The following JARID2 variants were observed in gnomAD, a reference collection of about 807,000 sequenced individuals.
The protein encoded by JARID2 is protein Jumonji.
JARID2 carries 21 observed loss-of-function variants against 125.6 expected under a neutral mutation model. The ratio of observed to expected loss-of-function variants is 0.17; its 90% CI spans 0.12 to 0.24. The LOEUF is 0.24. JARID2 is among the 10% of genes least tolerant of loss of function. The pLI is 1.00. For synonymous variants in JARID2, 736 were observed against 661.6 expected (o/e 1.11, Z -1.73); for missense variants, 1,303 against 1,639.6 (o/e 0.79, Z 3.55).
At chr6:15,322,281 C>G (rs1418292586) in intron 1 of JARID2, among the ~76,000 whole-genome samples, 2 of 152,214 alleles carry the variant, frequency 1.3e-5, no homozygotes, top group South Asian at 4.1e-4. Context: ...GGCTTCTGTG[C>G]TTCTGATTCT....
intron 17 of JARID2, among the ~76,000 whole-genome samples, chr6:15,517,772 C>CA (rs781544594): frequency 1.3e-5 from 2 of 152,250 alleles, no homozygotes; most frequent in African/African-American, 2.4e-5. Context: ...CATAACAACA[C>CA]ACAGCCTGTG....
At position 15,365,782 on chromosome 6, in the gene JARID2, A is replaced by AT. The variant is rs553585123; in HGVS notation, c.46-8332dup. 2.5e-3 allele frequency among the ~76,000 whole-genome samples: 380 copies of AT among 152,260 alleles called. 1 individual carries two copies. The highest frequency in any genetic ancestry group is 0.014 in the Middle Eastern group (4 of 294). ...AATTTGCTGCTTTGAAGTGCTTTTA[A>AT]TTTAAACCCTAGGCAAGGGAACATC... On this transcript the variant is annotated intron_variant, in intron 1 of 17. Transcript: ENST00000341776.
chr6:15,344,387 C>G (rs1581436302), intron 1 of JARID2, among the ~76,000 whole-genome samples: 1 of 151,866 alleles, frequency 6.6e-6, no homozygotes, highest in East Asian at 1.9e-4. Context: ...CTTTGTCAGA[C>G]TCGGCTGATG....
chr6:15,422,997 T>C (rs1366270976), intron 3 of JARID2, among the ~76,000 whole-genome samples: 1 of 151,334 alleles, frequency 6.6e-6, no homozygotes, highest in Admixed American at 6.6e-5. Flanking sequence ...TTTTTTTTTT[T>C]TTTTTTTTAA....
At chr6:15,322,232 AG>A (rs1762384213) in intron 1 of JARID2, among the ~76,000 whole-genome samples, 2 of 152,360 alleles carry the variant, frequency 1.3e-5, no homozygotes, top group South Asian at 4.1e-4. Flanking sequence ...GTTGAAGCTT[AG>A]TTTTCAAGGA....
chr6:15,437,468 T>A (rs1767257150), intron 3 of JARID2, among the ~76,000 whole-genome samples: 1 of 152,216 alleles, frequency 6.6e-6, no homozygotes, highest in African/African-American at 2.4e-5. Flanking sequence ...AGTTAGTTAC[T>A]AGGGTTGTCT....
intron 1 of JARID2, among the ~76,000 whole-genome samples, chr6:15,349,087 C>T (rs1233988334): frequency 6.6e-6 from 1 of 152,182 alleles, no homozygotes; most frequent in Non-Finnish European, 1.5e-5. Flanking sequence ...GAGTTTCCCT[C>T]TTGACCTTGC....
At chr6:15,319,259 A>G (rs566732608) in intron 1 of JARID2, among the ~76,000 whole-genome samples, 3 of 152,268 alleles carry the variant, frequency 2.0e-5, no homozygotes, top group African/African-American at 4.8e-5. Flanking sequence ...AAGTTGGTGG[A>G]CCAATGAGAA....
chr6:15,364,670 G>T (rs939007944), intron 1 of JARID2, among the ~76,000 whole-genome samples: 8 of 152,320 alleles, frequency 5.3e-5, no homozygotes, highest in African/African-American at 1.9e-4. Context: ...GGTAAATGGA[G>T]TAACACATAA....
chr6:15,399,952 A>G (rs1024584983), intron 2 of JARID2, among the ~76,000 whole-genome samples: 5 of 152,254 alleles, frequency 3.3e-5, no homozygotes, highest in African/African-American at 1.2e-4. Context: ...AAAGGCTTCA[A>G]GAAAATTGAC....
chr6:15,280,662 T>A (rs1760716253), intron 1 of JARID2, among the ~76,000 whole-genome samples: 1 of 148,294 alleles, frequency 6.7e-6, no homozygotes, highest in East Asian at 2.0e-4. Context: ...GGAGTCTCGC[T>A]CTGTTGCCCA....
chr6:15,389,914 G>C (rs1477245189), intron 2 of JARID2, among the ~76,000 whole-genome samples: 1 of 152,194 alleles, frequency 6.6e-6, no homozygotes, highest in Non-Finnish European at 1.5e-5. Flanking sequence ...AAATAGAAGT[G>C]TGTAGTGCAG....
At chr6:15,389,379 C>T (rs373668107) in intron 2 of JARID2, among the ~76,000 whole-genome samples, 1 of 152,152 alleles carries the variant, frequency 6.6e-6, no homozygotes, top group Admixed American at 6.5e-5. Flanking sequence ...GGCTGGAACA[C>T]TGTTATTTTT....
At chr6:15,422,625 C>T (rs1766548330) in intron 3 of JARID2, among the ~76,000 whole-genome samples, 1 of 152,198 alleles carries the variant, frequency 6.6e-6, no homozygotes, top group African/African-American at 2.4e-5. Flanking sequence ...TTTCTCACCT[C>T]TGCTCTAGGG....
At chr6:15,360,174 A>G (rs1186565052) in intron 1 of JARID2, among the ~76,000 whole-genome samples, 1 of 151,530 alleles carries the variant, frequency 6.6e-6, no homozygotes, top group African/African-American at 2.4e-5. Flanking sequence ...TTATTCCTTT[A>G]TAATATTTAA....
chr6:15,382,510 G>A (rs1234064095), intron 2 of JARID2, among the ~76,000 whole-genome samples: 2 of 152,316 alleles, frequency 1.3e-5, no homozygotes, highest in East Asian at 1.9e-4. Context: ...GCCGGTTTCC[G>A]TGGCCAAGTC....
Position 15,434,103 on chromosome 6 carries a change from G to A in JARID2, c.324-17903G>A, listed in dbSNP as rs529174864. Among the ~76,000 whole-genome samples the A allele has an allele frequency of 9.2e-5, 14 of 151,966 alleles. No individual in the cohort carries two copies. The South Asian group carries it at 1.9e-3, about 20-fold the overall frequency. The stretch of plus-strand genomic sequence containing the variant: ...CTGCCCGTAAAACACAGGTACCTCC[G>A]TAAGTCTGTCTCCACCCTTCACTGT... On this transcript the variant is annotated intron_variant, in intron 3 of 17. Coordinates refer to ENST00000341776, the MANE Select transcript of JARID2 (RefSeq NM_004973.4).
intron 1 of JARID2, among the ~76,000 whole-genome samples, chr6:15,261,547 C>T (rs1759878498): frequency 6.6e-6 from 1 of 152,072 alleles, no homozygotes; most frequent in South Asian, 2.1e-4. Flanking sequence ...GTCTCCATCT[C>T]TTGACGTTGT....
intron 1 of JARID2, among the ~76,000 whole-genome samples, chr6:15,312,050 G>A (rs1248656197): frequency 2.0e-5 from 3 of 152,110 alleles, no homozygotes; most frequent in African/African-American, 7.2e-5. Flanking sequence ...AAAAACAAAA[G>A]CTTTCTAAGT....
Sources: gnomAD v4.1 joint callset for allele counts (sites outside exome capture counted in the v4.1 genomes callset) on GRCh38, gnomAD v4.1.1 for gene constraint, MANE v1.5 for transcripts, NCBI Gene and HGNC (gene_info 2026-07-23, HGNC 2026-07-21) for gene names.